The following FN1 variants were observed in gnomAD, a reference collection of about 807,000 sequenced individuals.
FN1 encodes fibronectin.
A neutral mutation model predicts 297.3 loss-of-function variants in FN1; 106 were observed. The ratio of observed to expected loss-of-function variants is 0.36; its 90% CI spans 0.30 to 0.42. FN1 has a LOEUF of 0.42. Among genes scored for constraint, FN1 ranks in the 10% least tolerant of loss-of-function variants. The pLI is 1.00. For missense variants in FN1, 2,690 were observed against 3,124.9 expected (o/e 0.86, Z 3.32); for synonymous variants, 1,149 against 1,152.6 (o/e 1.00, Z 0.06).
At chr2:215,412,142 A>T (rs537182495) in intron 13 of FN1, among the ~76,000 whole-genome samples, 1 of 152,096 alleles carries the variant, frequency 6.6e-6, no homozygotes, top group Non-Finnish European at 1.5e-5. Context: ...AAGTTCTGCA[A>T]ATGGCCAGAT....
intron 10 of FN1, 140 bp downstream of exon 10, chr2:215,421,951 C>T (rs2064465248): frequency 2.4e-6 from 2 of 836,734 alleles, no homozygotes; most frequent in Non-Finnish European, 4.0e-6. Context: ...CTTATCTTAC[C>T]ATGCACAGTA....
chr2:215,432,160 A>G (rs2066636296), intron 3 of FN1, among the ~76,000 whole-genome samples, 196 bp from the exon 4 acceptor site: 1 of 152,206 alleles, frequency 6.6e-6, no homozygotes, highest in African/African-American at 2.4e-5. Context: ...CTTAGAACAC[A>G]ATGGAAAACC....
chr2:215,379,347 T>C, intron 33 of FN1, 30 bp from the exon 34 acceptor site: 1 of 1,601,116 alleles, frequency 6.2e-7, no homozygotes, highest in Non-Finnish European at 8.6e-7. Flanking sequence ...TTAGAGGTTA[T>C]CTTATAGGAA....
intron 3 of FN1, 30 bp from the exon 4 acceptor site, chr2:215,431,994 G>A: frequency 6.2e-7 from 1 of 1,611,846 alleles, no homozygotes; most frequent in East Asian, 2.2e-5. Context: ...AATGTTAGGA[G>A]AGGGCAGAAC....
In FN1 at chr2:215,431,941, A is replaced by G; in HGVS notation, c.439T>C (p.Ser147Pro). The G allele has an allele frequency of 6.2e-7, 1 of 1,614,160 alleles. No individual in the cohort carries two copies. Among genetic ancestry groups the G allele is most frequent in the Non-Finnish European group, 8.5e-7 (1 of 1,180,014 alleles). ...CTCCAGGTGTCACCAATCTTGTAGG[A>G]CTGACCCCCTTCATGGCAGCGGTCT... ...IANRCHEGGQ[S>P]YKIGDTWRRP... is the part of the protein sequence containing the mutation. Residue 147 changes from serine (S) to proline (P), a missense_variant, in exon 4 of 46, where the codon TCC becomes CCC. Transcript: ENST00000354785.
In FN1 at chr2:215,435,750, C is replaced by G; in HGVS notation, c.53G>C (p.Gly18Ala). The G allele has an allele frequency of 6.2e-7, 1 of 1,602,208 alleles. No homozygotes were observed. The highest frequency in any genetic ancestry group is 8.5e-7 in the Non-Finnish European group (1 of 1,175,224). ...GGCTCCCGTGGAGGGCACCGCTGTC[C>G]CCAGGCACTGGACGGCCAGCAGCAG... ...GLLLLAVQCL[G>A]TAVPSTGASK... The change falls in exon 1 of 46, where the codon GGG becomes GCG. Residue 18 changes from glycine to alanine, a missense_variant. Transcript: ENST00000354785.
In FN1 at chr2:215,410,130, AAC is replaced by A. The variant is rs5838511; in HGVS notation, c.1942-18_1942-17del. The stretch of plus-strand genomic sequence containing the variant: ...CAGAATTTTTCTGAAAATTTAAATT[AAC>A]ACACACACACACACACACACGTGTT... On this transcript the variant is annotated splice_polypyrimidine_tract_variant and intron_variant, in intron 13 of 45. Transcript: ENST00000354785. 363,100 of 1,390,548 alleles carry A rather than the reference AAC, an allele frequency of 0.26. 30,140 individuals carry two copies. The highest frequency in any genetic ancestry group is 0.7 in the East Asian group (26,542 of 37,672). The allele number at this position is 1,390,548 out of a possible 1,614,324, so 86.1% of individuals were successfully genotyped here.
chr2:215,424,117 C>T (rs772198814), intron 8 of FN1, 29 bp downstream of exon 8: 2 of 1,610,844 alleles, frequency 1.2e-6, no homozygotes, highest in African/African-American at 1.3e-5. Context: ...GTTTTTCTCA[C>T]TTCTGTGGCT....
Position 215,417,272 on chromosome 2 carries a change from A to G in FN1, c.1819+1970T>C, listed in dbSNP as rs768875552. On this transcript the variant is annotated intron_variant, in intron 12 of 45. Transcript: ENST00000354785. ...TTACTCCCTCTCTTATTCAATATGA[A>G]TAAACTAACAATAAAATAGTTGAGA... is the stretch of plus-strand genomic sequence containing the variant. 1.1e-3 allele frequency among the ~76,000 whole-genome samples: 174 copies of G among 152,332 alleles called. 1 individual carries two copies. Among genetic ancestry groups the G allele is most frequent in the Non-Finnish European group, 2.2e-3 (153 of 68,032 alleles).
At chr2:215,368,236 G>A (rs1446075905) in intron 41 of FN1, among the ~76,000 whole-genome samples, 1 of 152,180 alleles carries the variant, frequency 6.6e-6, no homozygotes, top group Non-Finnish European at 1.5e-5. Context: ...CCGACAGGAA[G>A]CCCATCTTTT....
At chr2:215,424,095 G>T in intron 8 of FN1, 51 bp downstream of exon 8, 1 of 1,542,690 alleles carries the variant, frequency 6.5e-7, no homozygotes, top group African/African-American at 1.4e-5. Flanking sequence ...TAAAACTAGG[G>T]CATGAAAGTG....
chr2:215,422,006 G>T, intron 10 of FN1, 85 bp downstream of exon 10: 4 of 1,245,642 alleles, frequency 3.2e-6, no homozygotes, highest in Non-Finnish European at 4.7e-6. Context: ...CCCTGCTTTT[G>T]GCATAGTGCA....
At chr2:215,427,338 G>T (rs1357707006) in intron 6 of FN1, among the ~76,000 whole-genome samples, 1 of 152,070 alleles carries the variant, frequency 6.6e-6, no homozygotes, top group Admixed American at 6.5e-5. Context: ...TTAATTGAAG[G>T]ATGGCTGAGA....
At chr2:215,428,867 T>C (rs1473058381) in intron 5 of FN1, among the ~76,000 whole-genome samples, 2 of 151,908 alleles carry the variant, frequency 1.3e-5, no homozygotes, top group African/African-American at 4.8e-5. Flanking sequence ...CAAAAAAAAT[T>C]AGCCGGCTGT....
chr2:215,408,578 A>T, intron 15 of FN1, 152 bp from the exon 16 acceptor site: 1 of 782,506 alleles, frequency 1.3e-6, no homozygotes, highest in Non-Finnish European at 2.1e-6. Flanking sequence ...GATTATTATT[A>T]TTATTTTTAC....
In FN1 at chr2:215,387,280, G is replaced by A. The variant is rs771460336; in HGVS notation, c.4343-322C>T. Among the ~76,000 whole-genome samples, 321 of 152,134 alleles carry A rather than the reference G, an allele frequency of 2.1e-3. 6 individuals are homozygous for A. Among genetic ancestry groups the A allele is most frequent in the Non-Finnish European group, 1.4e-3 (92 of 68,028 alleles). On this transcript the variant is annotated intron_variant, in intron 27 of 45. Coordinates refer to ENST00000354785, the MANE Select transcript of FN1 (RefSeq NM_212482.4). ...TGGAGATAAGTGTTCAAGATCTTCTGAGAATTGACATTTTCAAATTCTTCA... is the reference window on the plus strand; with the variant it reads ...TGGAGATAAGTGTTCAAGATCTTCTAAGAATTGACATTTTCAAATTCTTCA...
At chr2:215,404,076 C>T (rs1378907720) in intron 20 of FN1, among the ~76,000 whole-genome samples, 1 of 152,180 alleles carries the variant, frequency 6.6e-6, no homozygotes, top group Non-Finnish European at 1.5e-5. Context: ...GAGGAAAGAG[C>T]GAGCTTGGCA....
In FN1 at chr2:215,373,312, A is replaced by G. The variant is rs368494628; in HGVS notation, c.6247+10T>C. 1.2e-6 allele frequency: 2 copies of G among 1,605,972 alleles called. No individual in the cohort carries two copies. Among genetic ancestry groups the G allele is most frequent in the South Asian group, 1.1e-5 (1 of 90,892 alleles). ...TATCTTTCTCCTTGTTACCTGCAAG[A>G]TACTCTTACCTGTCTTTTTCCTTCC... On this transcript the variant is annotated intron_variant, in intron 39 of 45. Transcript: ENST00000354785.
At chr2:215,421,169 A>G (rs1289484994) in intron 10 of FN1, 2 of 325,050 alleles carry the variant, frequency 6.2e-6, no homozygotes, top group Non-Finnish European at 1.2e-5. Flanking sequence ...GTTAGGATAA[A>G]TAAGAAGAAG....
Sources: gnomAD v4.1 joint callset for allele counts (sites outside exome capture counted in the v4.1 genomes callset) on GRCh38, gnomAD v4.1.1 for gene constraint, MANE v1.5 for transcripts, NCBI Gene and HGNC (gene_info 2026-07-23, HGNC 2026-07-21) for gene names.